Variants in ADGRL2 observed in about 807,000 individuals in gnomAD.
The protein encoded by ADGRL2 is calcium-independent alpha-latrotoxin receptor 2.
ADGRL2 carries 44 observed loss-of-function variants against 157.4 expected under a neutral mutation model. The ratio of observed to expected loss-of-function variants is 0.28; its 90% CI spans 0.22 to 0.36. ADGRL2 has a LOEUF of 0.36. Among genes scored for constraint, ADGRL2 ranks in the 10% least tolerant of loss-of-function variants. The pLI, the probability that ADGRL2 is intolerant of heterozygous loss-of-function variation, is 1.00. For synonymous variants in ADGRL2, 585 were observed against 624.7 expected, an observed-to-expected ratio of 0.94 and a Z score of 0.95; for missense variants, 1,510 against 1,768.9, an observed-to-expected ratio of 0.85 and a Z score of 2.63.
chr1:81,342,976 T>G (rs1662184286), intron 1 of ADGRL2, among the ~76,000 whole-genome samples: 1 of 152,094 alleles, frequency 6.6e-6, no homozygotes, highest in Non-Finnish European at 1.5e-5. Context: ...CAAGTAACTT[T>G]TTTTCCTAAA....
intron 3 of ADGRL2, among the ~76,000 whole-genome samples, chr1:81,927,658 A>T (rs1014407056): frequency 2.0e-5 from 3 of 152,002 alleles, no homozygotes; most frequent in Non-Finnish European, 2.9e-5. Context: ...TATAGGATTA[A>T]ATTCTATATG....
chr1:81,431,355 G>C (rs1314900343), intron 1 of ADGRL2, among the ~76,000 whole-genome samples: 1 of 151,828 alleles, frequency 6.6e-6, no homozygotes, highest in African/African-American at 2.4e-5. Context: ...AATGAAAAGT[G>C]ATTCCGGAGC....
intron 1 of ADGRL2, among the ~76,000 whole-genome samples, chr1:81,435,779 A>T (rs1330912273): frequency 6.6e-6 from 1 of 152,192 alleles, no homozygotes; most frequent in African/African-American, 2.4e-5. Flanking sequence ...TGGAAGCTAG[A>T]AAAAAGAATG....
intron 1 of ADGRL2, among the ~76,000 whole-genome samples, chr1:81,721,089 C>T (rs1174276887): frequency 1.4e-5 from 2 of 142,174 alleles, no homozygotes; most frequent in African/African-American, 2.6e-5. Context: ...CTGGACTGGT[C>T]TCGATCTCCT....
intron 11 of ADGRL2, 76 bp from the exon 12 acceptor site, chr1:81,965,982 A>G: frequency 7.1e-7 from 1 of 1,414,104 alleles, no homozygotes; most frequent in South Asian, 1.3e-5. Context: ...GTTTCCATAC[A>G]GTTATCATTT....
At chr1:81,963,400 A>C (rs1656083590) in intron 11 of ADGRL2, among the ~76,000 whole-genome samples, 1 of 151,964 alleles carries the variant, frequency 6.6e-6, no homozygotes, top group African/African-American at 2.4e-5. Flanking sequence ...GAATTACTGC[A>C]TTAAGCTAGG....
At chr1:81,794,240 G>A (rs2087482041) in intron 2 of ADGRL2, among the ~76,000 whole-genome samples, 1 of 152,138 alleles carries the variant, frequency 6.6e-6, no homozygotes, top group African/African-American at 2.4e-5. Flanking sequence ...AATTAGGGTA[G>A]TAAGGATATT....
At chr1:81,964,390 C>A (rs993110881) in intron 11 of ADGRL2, among the ~76,000 whole-genome samples, 1 of 152,048 alleles carries the variant, frequency 6.6e-6, no homozygotes, top group African/African-American at 2.4e-5. Flanking sequence ...CTCCCTGCCG[C>A]CCACACAGAG....
intron 2 of ADGRL2, among the ~76,000 whole-genome samples, chr1:81,861,009 A>G (rs1188040967): frequency 2.1e-5 from 3 of 140,362 alleles, no homozygotes; most frequent in East Asian, 4.0e-4. Context: ...TACATATTTC[A>G]CTGACTTTTT....
At chr1:81,494,800 T>A (rs527566707) in intron 2 of ADGRL2, among the ~76,000 whole-genome samples, 6 of 152,308 alleles carry the variant, frequency 3.9e-5, no homozygotes, top group African/African-American at 1.2e-4. Context: ...TTTTTGGAAA[T>A]GTCTGTGCTA....
intron 2 of ADGRL2, among the ~76,000 whole-genome samples, chr1:81,864,114 A>G (rs1464739320): frequency 6.6e-6 from 1 of 152,166 alleles, no homozygotes; most frequent in Non-Finnish European, 1.5e-5. Context: ...TTTATTATGG[A>G]TATATTTAGC....
At chr1:81,457,273 G>C (rs778692805) in intron 2 of ADGRL2, among the ~76,000 whole-genome samples, 8 of 151,936 alleles carry the variant, frequency 5.3e-5, no homozygotes, top group Non-Finnish European at 7.4e-5. Flanking sequence ...AGTTAATATG[G>C]TACATGAACA....
At chr1:81,989,773 C>A in intron 23 of ADGRL2, 2 of 1,584,536 alleles carry the variant, frequency 1.3e-6, no homozygotes, top group South Asian at 2.3e-5. Context: ...CTGGTCCAGT[C>A]AGTATGAGAG....
At chr1:81,369,578 C>A (rs1462819109) in intron 1 of ADGRL2, among the ~76,000 whole-genome samples, 3 of 152,112 alleles carry the variant, frequency 2.0e-5, no homozygotes, top group Non-Finnish European at 4.4e-5. Context: ...CTTCTGAAAG[C>A]AATCTTGCTT....
In ADGRL2 at chr1:81,989,581, C is replaced by T. The variant is rs561795847; in HGVS notation, c.3656-810C>T. 9 of 1,229,320 alleles carry T rather than the reference C, an allele frequency of 7.3e-6. No individual in the cohort carries two copies. The Admixed American group carries it at 8.8e-5, about 12-fold the overall frequency. 76.2% of individuals were successfully genotyped at this position (1,229,320 alleles called of 1,614,324 possible). Reference sequence around the variant, plus strand: ...TAATCTAATTTGTTGAACCCTTGCTCTGACTAAGTTGCTGAGAAGCTTAGA... The same window carrying T: ...TAATCTAATTTGTTGAACCCTTGCTTTGACTAAGTTGCTGAGAAGCTTAGA... On this transcript the variant is annotated intron_variant, in intron 23 of 23. Transcript: ENST00000686636.
chr1:81,819,480 T>TA (rs564668821), intron 1 of ADGRL2, among the ~76,000 whole-genome samples: 16 of 152,114 alleles, frequency 1.1e-4, no homozygotes, highest in African/African-American at 3.4e-4. Context: ...GTGGTATTTG[T>TA]AAAAAAAATA....
intron 1 of ADGRL2, among the ~76,000 whole-genome samples, chr1:81,730,650 G>A (rs562068944): frequency 2.8e-4 from 43 of 152,088 alleles, no homozygotes; most frequent in African/African-American, 1.0e-3. Context: ...TTGAACCTGG[G>A]AGGCAGAAGC....
At chr1:81,717,803 C>T (rs2149107103) in intron 1 of ADGRL2, among the ~76,000 whole-genome samples, 1 of 152,272 alleles carries the variant, frequency 6.6e-6, no homozygotes, top group South Asian at 2.1e-4. Context: ...CATTGTGCTA[C>T]AGAATATTTT....
intron 1 of ADGRL2, among the ~76,000 whole-genome samples, chr1:81,422,854 G>A (rs929417990): frequency 6.6e-6 from 1 of 152,128 alleles, no homozygotes; most frequent in Non-Finnish European, 1.5e-5. Context: ...TTTAGAATAA[G>A]CAAAATGTTT....
Sources: gnomAD v4.1 joint callset for allele counts (sites outside exome capture counted in the v4.1 genomes callset) on GRCh38, gnomAD v4.1.1 for gene constraint, MANE v1.5 for transcripts, NCBI Gene and HGNC (gene_info 2026-07-23, HGNC 2026-07-21) for gene names.